The following ARHGAP21 variants were observed in gnomAD, a reference collection of about 807,000 sequenced individuals.
The protein encoded by ARHGAP21 is Rho GTPase activating protein 21, also known as rho GTPase-activating protein 21.
In ARHGAP21, 38 loss-of-function variants were observed where a neutral mutation model predicts 164.6. The ratio of observed to expected loss-of-function variants is 0.23; its 90% CI spans 0.18 to 0.30. The LOEUF (loss-of-function observed/expected upper bound fraction) is 0.30, where lower values mean the gene tolerates loss of function less well. Ranked by LOEUF, ARHGAP21 falls within the 10% of genes least tolerant of loss-of-function variation. The pLI is 1.00. For synonymous variants in ARHGAP21, 766 were observed against 857.9 expected, an observed-to-expected ratio of 0.89 and a Z score of 1.87; for missense variants, 1,822 against 2,370.7, an observed-to-expected ratio of 0.77 and a Z score of 4.81.
intron 4 of ARHGAP21, among the ~76,000 whole-genome samples, chr10:24,654,181 G>A (rs1035228177): frequency 6.6e-5 from 10 of 152,132 alleles, no homozygotes; most frequent in Non-Finnish European, 1.5e-4. Context: ...TACTGAATGG[G>A]CAAAAACTGA....
At position 24,620,945 on chromosome 10, in the gene ARHGAP21, G is replaced by A; in HGVS notation, c.950C>T (p.Thr317Ile). Residue 317 changes from threonine (T) to isoleucine (I), a missense_variant, in exon 9 of 26, where the codon ACC (threonine) becomes ATC (isoleucine). By Grantham distance (89) the Thr-to-Ile change is moderately conservative (BLOSUM62 -1). Coordinates refer to ENST00000396432, the MANE Select transcript of ARHGAP21 (RefSeq NM_020824.4). ...GGGAATTGATAATGGTGGTGATGTG[G>A]TTCTTGACACTGTTTTTAAAGAGGT... ...EQTSLKTVSRTTSPPLSIPTT... is the reference protein window; with the variant it reads ...EQTSLKTVSRITSPPLSIPTT... 1 of 1,613,928 alleles carries A rather than the reference G, an allele frequency of 6.2e-7. No homozygotes were observed. Among genetic ancestry groups the A allele is most frequent in the Non-Finnish European group, 8.5e-7 (1 of 1,179,866 alleles).
chr10:24,618,944 C>T (rs547456915), intron 9 of ARHGAP21, among the ~76,000 whole-genome samples: 2 of 152,230 alleles, frequency 1.3e-5, no homozygotes, highest in South Asian at 2.1e-4. Flanking sequence ...GGACAGGTGC[C>T]GGCAACTGTG....
intron 3 of ARHGAP21, among the ~76,000 whole-genome samples, chr10:24,667,823 A>C (rs1840343343): frequency 6.6e-6 from 1 of 152,092 alleles, no homozygotes; most frequent in Admixed American, 6.5e-5. Context: ...AAGTGACAAA[A>C]TAAGGACACT....
intron 9 of ARHGAP21, among the ~76,000 whole-genome samples, chr10:24,613,299 T>C (rs1284619179): frequency 6.6e-6 from 1 of 152,226 alleles, no homozygotes; most frequent in Non-Finnish European, 1.5e-5. Flanking sequence ...GTAGGCTCAC[T>C]AAACATTTTT....
intron 2 of ARHGAP21, among the ~76,000 whole-genome samples, chr10:24,700,895 T>G: frequency 6.6e-6 from 1 of 152,138 alleles, no homozygotes; most frequent in East Asian, 1.9e-4. Flanking sequence ...AAGTCTAGAG[T>G]GAGACCAGAA....
chr10:24,610,812 A>G (rs533956813), intron 9 of ARHGAP21, among the ~76,000 whole-genome samples: 1 of 152,342 alleles, frequency 6.6e-6, no homozygotes, highest in East Asian at 1.9e-4. Flanking sequence ...CTCCTATATG[A>G]AGAGTTCTTA....
At position 24,596,059 on chromosome 10, in the gene ARHGAP21, T is replaced by A; in HGVS notation, c.3478-16A>T. 1.3e-6 allele frequency: 2 copies of A among 1,572,784 alleles called. No individual in the cohort carries two copies. Among genetic ancestry groups the A allele is most frequent in the Non-Finnish European group, 1.7e-6 (2 of 1,156,604 alleles). On this transcript the variant is annotated splice_polypyrimidine_tract_variant and intron_variant, in intron 17 of 25. Coordinates refer to ENST00000396432, the MANE Select transcript of ARHGAP21 (RefSeq NM_020824.4). The stretch of plus-strand genomic sequence containing the variant: ...ATGGAATATACTGCAAAACAAGAAA[T>A]AAACATTTTATTTAATGCAGCACAA...
chr10:24,686,718 C>A (rs142025130), intron 2 of ARHGAP21, among the ~76,000 whole-genome samples: 3 of 152,140 alleles, frequency 2.0e-5, no homozygotes, highest in African/African-American at 7.2e-5. Context: ...TGAACATGCA[C>A]GCAAGCAGTT....
intron 15 of ARHGAP21, 47 bp from the exon 16 acceptor site, chr10:24,597,630 T>C: frequency 6.2e-7 from 1 of 1,602,148 alleles, no homozygotes; most frequent in South Asian, 1.1e-5. Context: ...AATCCCCCTC[T>C]ATCTATGGTT....
chr10:24,640,656 T>C (rs891532561), intron 4 of ARHGAP21, among the ~76,000 whole-genome samples: 3 of 152,088 alleles, frequency 2.0e-5, no homozygotes, highest in African/African-American at 4.8e-5. Flanking sequence ...AAATAGCATA[T>C]TGAAATTAAT....
chr10:24,598,218 C>CT (rs2076665301), intron 14 of ARHGAP21, among the ~76,000 whole-genome samples: 1 of 152,254 alleles, frequency 6.6e-6, no homozygotes, highest in South Asian at 2.1e-4. Flanking sequence ...GGTTTTGCTT[C>CT]TTTTCTGTAT....
chr10:24,685,511 T>C (rs1018386468), intron 2 of ARHGAP21, among the ~76,000 whole-genome samples: 4 of 152,234 alleles, frequency 2.6e-5, no homozygotes, highest in African/African-American at 9.6e-5. Flanking sequence ...CTACCAGTCA[T>C]AAAGATACAA....
chr10:24,666,950 A>G, intron 4 of ARHGAP21, 35 bp downstream of exon 4: 1 of 1,408,404 alleles, frequency 7.1e-7, no homozygotes. Context: ...GGGTAGAAAA[A>G]CATTCAGAGA....
chr10:24,593,642 A>C (rs2076440436), intron 21 of ARHGAP21, among the ~76,000 whole-genome samples: 1 of 127,334 alleles, frequency 7.9e-6, no homozygotes, highest in Non-Finnish European at 1.8e-5. Context: ...CAGTGTAATT[A>C]AAGACACAAA....
intron 4 of ARHGAP21, 87 bp downstream of exon 4, chr10:24,666,898 T>G: frequency 1.0e-6 from 1 of 984,520 alleles, no homozygotes; most frequent in African/African-American, 1.7e-5. Context: ...CACCAAAAAT[T>G]ATATCATCTC....
intron 4 of ARHGAP21, among the ~76,000 whole-genome samples, chr10:24,639,549 A>G (rs1257609674): frequency 6.6e-6 from 1 of 152,228 alleles, no homozygotes; most frequent in Non-Finnish European, 1.5e-5. Flanking sequence ...AGCCTGTCAC[A>G]TCGCAAGTGA....
chr10:24,723,588 C>T lies in ARHGAP21; in HGVS notation c.-407G>A, dbSNP rs554262519. 3 of 147,140 alleles carry T rather than the reference C, an allele frequency of 2.0e-5. No individual in the cohort carries two copies. The highest frequency in any genetic ancestry group is 4.9e-5 in the African/African-American group (2 of 40,734). The allele number at this position is 147,140 out of a possible 1,614,324, so 9.1% of individuals were successfully genotyped here. On this transcript the variant is annotated 5_prime_UTR_variant, in exon 1 of 26. Transcript: ENST00000396432. ...AGAGGAAGCGGGACGAGTGGATCCGCACGGGGCTGGCCGGCTCCGGGACAG... is the reference window on the plus strand; with the variant it reads ...AGAGGAAGCGGGACGAGTGGATCCGTACGGGGCTGGCCGGCTCCGGGACAG...
Position 24,721,888 on chromosome 10 carries a change from C to T in ARHGAP21, c.12G>A (p.Thr4=). The change falls in exon 2 of 26, where the codon ACG becomes ACA. Residue 4 remains threonine, a synonymous_variant. Coordinates refer to ENST00000396432, the MANE Select transcript of ARHGAP21 (RefSeq NM_020824.4). ...CTCCCTCAGACAGACCAGTCCGACG[C>T]GTGGCCATCATTTCATTTCAAATGA... MMA[T]RRTGLSEGDG... 6.2e-7 allele frequency: 1 copy of T among 1,614,234 alleles called. No individual in the cohort carries two copies. Among genetic ancestry groups the T allele is most frequent in the Non-Finnish European group, 8.5e-7 (1 of 1,180,040 alleles).
At chr10:24,719,461 A>C (rs1218220836) in intron 2 of ARHGAP21, among the ~76,000 whole-genome samples, 1 of 152,206 alleles carries the variant, frequency 6.6e-6, no homozygotes, top group African/African-American at 2.4e-5. Context: ...GGAGTTGGCT[A>C]ATTAGATAAA....
Sources: gnomAD v4.1 joint callset for allele counts (sites outside exome capture counted in the v4.1 genomes callset) on GRCh38, gnomAD v4.1.1 for gene constraint, MANE v1.5 for transcripts, NCBI Gene and HGNC (gene_info 2026-07-23, HGNC 2026-07-21) for gene names.